ERVW-1: variants seen among roughly 807,000 people sequenced by gnomAD.
The protein encoded by ERVW-1 is syncytin-1.
A neutral mutation model predicts 16.6 loss-of-function variants in ERVW-1; 21 were observed. That is an observed-to-expected ratio of 1.26 (90% confidence interval 0.90 to 1.82). The LOEUF (loss-of-function observed/expected upper bound fraction) is 1.82, where lower values mean the gene tolerates loss of function less well. ERVW-1 is among the 40% of genes most tolerant of loss of function. The pLI, the probability that ERVW-1 is intolerant of heterozygous loss-of-function variation, is 0.00. For synonymous variants in ERVW-1, 161 were observed against 109.8 expected (o/e 1.47, Z -2.92); for missense variants, 412 against 300.2 (o/e 1.37, Z -2.75).
intron 1 of ERVW-1, chr7:92,470,888 C>G (rs1459146967): frequency 6.0e-6 from 1 of 167,334 alleles, no homozygotes; most frequent in Non-Finnish European, 1.5e-5. Context: ...ACAGAGCAGG[C>G]CATGTGAGGT....
At position 92,469,865 on chromosome 7, in the gene ERVW-1, T is replaced by C. The variant is rs1790259805; in HGVS notation, c.517A>G (p.Thr173Ala). 1.3e-6 allele frequency: 1 copy of C among 776,732 alleles called. No individual in the cohort carries two copies. The highest frequency in any genetic ancestry group is 2.4e-6 in the Non-Finnish European group (1 of 417,806). 48.1% of individuals were successfully genotyped at this position (776,732 alleles called of 1,614,324 possible). The change falls in exon 2 of 2, where the codon ACT becomes GCT. Residue 173 changes from threonine (T) to alanine (A), a missense_variant. Coordinates refer to ENST00000603053, the MANE Select transcript of ERVW-1 (RefSeq NM_001130925.2). ...RLVSLFNTTL[T>A]GLHEVSAQNP... ...TGGGCCGAGACCTCATGGAGCCCAG[T>C]GAGGGTGGTATTAAATAGGCTTACC...
chr7:92,473,611 T>C (rs1319250032), intron 1 of ERVW-1, among the ~76,000 whole-genome samples: 3 of 151,078 alleles, frequency 2.0e-5, no homozygotes, highest in Non-Finnish European at 4.4e-5. Flanking sequence ...CCTAACAAGG[T>C]AGTGGGGCTT....
At position 92,469,198 on chromosome 7, in the gene ERVW-1, C is replaced by G; in HGVS notation, c.1184G>C (p.Gly395Ala). 1 of 740,262 alleles carries G rather than the reference C, an allele frequency of 1.4e-6. No homozygotes were observed. The highest frequency in any genetic ancestry group is 1.7e-5 in the African/African-American group (1 of 58,470). The allele number at this position is 740,262 out of a possible 1,614,324, so 45.9% of individuals were successfully genotyped here. A position where few individuals can be genotyped will look rare whatever the true frequency, so the allele number is the denominator to read the frequency against. Residue 395 changes from glycine (G) to alanine (A), a missense_variant, in exon 2 of 2, where the codon GGA becomes GCA. Gly to Ala is a moderately conservative substitution (Grantham distance 60). Coordinates refer to ENST00000603053, the MANE Select transcript of ERVW-1 (RefSeq NM_001130925.2). ...TTCTTCCCCTAAAAATAAACAGGTT[C>G]CCCCTCTTTCAGCGGTTAGCAAGTC... The part of the protein sequence containing the change: ...ALDLLTAERG[G>A]TCLFLGEECC...
At chr7:92,474,938 C>T (rs187013191) in intron 1 of ERVW-1, 22 of 152,212 alleles carry the variant, frequency 1.4e-4, no homozygotes, top group African/African-American at 4.8e-4. Flanking sequence ...ACCCTTTTGT[C>T]TATCTCCTTT....
At position 92,469,182 on chromosome 7, in the gene ERVW-1, T is replaced by G; in HGVS notation, c.1200A>C (p.Leu400Phe). The G allele has an allele frequency of 1.4e-6, 1 of 721,230 alleles. No individual in the cohort carries two copies. 44.7% of individuals were successfully genotyped at this position (721,230 alleles called of 1,614,324 possible). A position where few individuals can be genotyped will look rare whatever the true frequency, so the allele number is the denominator to read the frequency against. The stretch of plus-strand genomic sequence containing the variant: ...TAACATAATAACAGCATTCTTCCCC[T>G]AAAAATAAACAGGTTCCCCCTCTTT... ...TAERGGTCLFLGEECCYYVNQ... is the reference protein window; with the variant it reads ...TAERGGTCLFFGEECCYYVNQ... The change falls in exon 2 of 2, where the codon TTA becomes TTC. Residue 400 changes from leucine (L) to phenylalanine (F), a missense_variant. By Grantham distance (22) the Leu-to-Phe change is conservative (BLOSUM62 0). Coordinates refer to ENST00000603053, the MANE Select transcript of ERVW-1 (RefSeq NM_001130925.2).
intron 1 of ERVW-1, among the ~76,000 whole-genome samples, chr7:92,477,108 C>A (rs969444941): frequency 6.6e-6 from 1 of 152,172 alleles, no homozygotes; most frequent in Non-Finnish European, 1.5e-5. Context: ...CGGCTACTGC[C>A]GGGAGTTCAG....
chr7:92,471,497 A>G (rs1790347296), intron 1 of ERVW-1: 1 of 152,222 alleles, frequency 6.6e-6, no homozygotes, highest in African/African-American at 2.4e-5. Context: ...TTCAGTGGCT[A>G]GCCGTCCCGA....
intron 1 of ERVW-1, among the ~76,000 whole-genome samples, chr7:92,475,682 A>G (rs185601161): frequency 1.3e-5 from 2 of 152,156 alleles, no homozygotes; most frequent in East Asian, 3.9e-4. Flanking sequence ...CTTGACCACA[A>G]AGAAAGGGGT....
intron 1 of ERVW-1, among the ~76,000 whole-genome samples, chr7:92,476,678 C>G (rs1790560022): frequency 6.6e-6 from 1 of 151,842 alleles, no homozygotes; most frequent in African/African-American, 2.4e-5. Context: ...CTCTCTTTCT[C>G]CTCCATTTCT....
At position 92,469,970 on chromosome 7, in the gene ERVW-1, G is replaced by C. The variant is rs574525767; in HGVS notation, c.412C>G (p.Arg138Gly). The change falls in exon 2 of 2, where the codon CGG (arginine) becomes GGG (glycine). Residue 138 changes from arginine to glycine, a missense_variant. Transcript: ENST00000603053. ...TAGGGGCTAGAGGTGCCATGTACCC[G>C]GGTGAGTTGGGAGATTACTTCTTTT... The part of the protein sequence containing the change: ...HVKEVISQLT[R>G]VHGTSSPYKG... 1.3e-6 allele frequency: 1 copy of C among 773,520 alleles called. No individual in the cohort carries two copies. The allele number at this position is 773,520 out of a possible 1,614,324, so 47.9% of individuals were successfully genotyped here.
In ERVW-1 at chr7:92,468,393, T is replaced by TAAATC. The variant is rs1465356000; in HGVS notation, c.*371_*372insGATTT. ...GGACCAGAAGAGTGCAGTTGCAAGA[T>TAAATC]TTAATAGAGTGAAATAGCATGAAAA... On this transcript the variant is annotated 3_prime_UTR_variant, in exon 2 of 2. Coordinates refer to ENST00000603053, the MANE Select transcript of ERVW-1 (RefSeq NM_001130925.2). The TAAATC allele has an allele frequency of 1.7e-5, 3 of 175,494 alleles. No homozygotes were observed. Among genetic ancestry groups the TAAATC allele is most frequent in the African/African-American group, 7.2e-5 (3 of 41,728 alleles). 10.9% of individuals were successfully genotyped at this position (175,494 alleles called of 1,614,324 possible).
chr7:92,474,129 A>G (rs931788492), intron 1 of ERVW-1, among the ~76,000 whole-genome samples: 8 of 152,094 alleles, frequency 5.3e-5, no homozygotes, highest in Admixed American at 2.0e-4. Flanking sequence ...CCTGAGGGTC[A>G]TGACTAAAGC....
In ERVW-1 at chr7:92,468,792, T is replaced by C. The variant is rs140328346; in HGVS notation, c.1590A>G (p.Leu530=). The C allele has an allele frequency of 3.0e-5, 23 of 757,298 alleles. No individual in the cohort carries two copies. In the African/African-American group the frequency reaches 3.6e-4, roughly 12 times the overall value. The allele number at this position is 757,298 out of a possible 1,614,324, so 46.9% of individuals were successfully genotyped here. ...AACTGCTTCCTGCTGAATTGGGGCG[T>C]AGTAGAGGTTGTGCAGCTGAGATTT... ...PEEISAAQPL[L]RPNSAGSS The change falls in exon 2 of 2, where the codon CTA becomes CTG. Residue 530 remains leucine, a synonymous_variant. Transcript: ENST00000603053.
rs748110112 is a variant in ERVW-1, at chr7:92,470,200, G to A, written c.182C>T (p.Thr61Ile). 9 of 778,670 alleles carry A rather than the reference G, an allele frequency of 1.2e-5. No homozygotes were observed. Among genetic ancestry groups the A allele is most frequent in the South Asian group, 9.4e-5 (7 of 74,506 alleles). 48.2% of individuals were successfully genotyped at this position (778,670 alleles called of 1,614,324 possible). ...SYRSLSKGTP[T>I]FTAHTHMPRN... The stretch of plus-strand genomic sequence containing the variant: ...GGGCATATGGGTGTGGGCAGTGAAG[G>A]TGGGGGTTCCCTTAGAAAGACTCCT... Residue 61 changes from threonine (T) to isoleucine (I), a missense_variant, in exon 2 of 2, where the codon ACC (threonine) becomes ATC (isoleucine). Physicochemically the swap from Thr to Ile is moderately conservative, Grantham distance 89. Transcript: ENST00000603053.
intron 1 of ERVW-1, among the ~76,000 whole-genome samples, chr7:92,473,592 A>C (rs1790430375): frequency 6.6e-6 from 1 of 151,918 alleles, no homozygotes; most frequent in Non-Finnish European, 1.5e-5. Flanking sequence ...TTTTGCTAGA[A>C]TGTCTCTCCC....
chr7:92,474,708 CATT>C (rs879338333), intron 1 of ERVW-1: 7 of 152,204 alleles, frequency 4.6e-5, no homozygotes, highest in African/African-American at 1.7e-4. Context: ...TTAGCAGTGA[CATT>C]ATATCTCTCC....
At chr7:92,470,945 C>T (rs975075837) in intron 1 of ERVW-1, 4 of 167,274 alleles carry the variant, frequency 2.4e-5, no homozygotes, top group Non-Finnish European at 4.4e-5. Flanking sequence ...GTGTTTCATT[C>T]ATTTTCTCGA....
chr7:92,476,212 C>CT (rs1338499986), intron 1 of ERVW-1, among the ~76,000 whole-genome samples: 1 of 152,222 alleles, frequency 6.6e-6, no homozygotes, highest in Non-Finnish European at 1.5e-5. Context: ...TAGCCCCATA[C>CT]TTTAAGATTT....
chr7:92,476,059 A>G (rs1790531478), intron 1 of ERVW-1, among the ~76,000 whole-genome samples: 1 of 152,190 alleles, frequency 6.6e-6, no homozygotes, highest in African/African-American at 2.4e-5. Flanking sequence ...GGGAGGAACC[A>G]TCTATCGTCC....
Sources: allele counts gnomAD v4.1 joint callset (sites outside exome capture counted in the v4.1 genomes callset), GRCh38; gene constraint gnomAD v4.1.1; transcripts MANE v1.5; gene names NCBI Gene and HGNC (gene_info 2026-07-23, HGNC 2026-07-21).